IQCK: variants seen among roughly 807,000 people sequenced by gnomAD.
The protein encoded by IQCK is IQ motif containing K, also known as IQ domain-containing protein K.
A neutral mutation model predicts 28.1 loss-of-function variants in IQCK; 29 were observed. The observed-to-expected ratio is 1.03, with a 90% CI of 0.77 to 1.41. The LOEUF (loss-of-function observed/expected upper bound fraction) is 1.41. Among genes scored for constraint, IQCK ranks in the 40% most tolerant of loss-of-function variants. The pLI, the probability that IQCK is intolerant of heterozygous loss-of-function variation, is 0.00. For synonymous variants in IQCK, 113 were observed against 115.1 expected (o/e 0.98, Z 0.12); for missense variants, 359 against 314.7 (o/e 1.14, Z -1.07).
intron 9 of IQCK, among the ~76,000 whole-genome samples, chr16:19,855,425 T>C (rs1299222900): frequency 6.6e-6 from 1 of 152,124 alleles, no homozygotes; most frequent in African/African-American, 2.4e-5. Context: ...AACCCATCTC[T>C]ACTAAAAATA....
intron 9 of IQCK, among the ~76,000 whole-genome samples, chr16:19,844,175 G>T (rs1289505023): frequency 1.3e-5 from 2 of 151,764 alleles, no homozygotes; most frequent in African/African-American, 4.8e-5. Flanking sequence ...CACCTCCCAG[G>T]CTCAAGGGAT....
chr16:19,738,416 C>CA (rs377362299), intron 4 of IQCK, among the ~76,000 whole-genome samples: 1 of 152,160 alleles, frequency 6.6e-6, no homozygotes, highest in Non-Finnish European at 1.5e-5. Flanking sequence ...TGACCCCCCC[C>CA]ACCTCATATA....
intron 4 of IQCK, among the ~76,000 whole-genome samples, chr16:19,758,503 A>G (rs1395252828): frequency 6.6e-6 from 1 of 152,220 alleles, no homozygotes. Flanking sequence ...CCACTAAATG[A>G]TGTGATAAAT....
intron 9 of IQCK, among the ~76,000 whole-genome samples, chr16:19,838,857 A>G (rs2056329958): frequency 6.6e-6 from 1 of 151,724 alleles, no homozygotes; most frequent in Non-Finnish European, 1.5e-5. Flanking sequence ...TGTCTCTACT[A>G]AAAATACAAT....
chr16:19,746,280 G>A (rs972615738), intron 4 of IQCK, among the ~76,000 whole-genome samples: 2 of 151,744 alleles, frequency 1.3e-5, no homozygotes, highest in African/African-American at 4.8e-5. Context: ...CATGCAATGC[G>A]AAATATCATG....
intron 9 of IQCK, among the ~76,000 whole-genome samples, chr16:19,836,916 G>A (rs914227201): frequency 3.3e-5 from 5 of 152,124 alleles, no homozygotes; most frequent in African/African-American, 9.7e-5. Flanking sequence ...ACCTCGAGCA[G>A]GTTGCTTAAC....
intron 7 of IQCK, among the ~76,000 whole-genome samples, chr16:19,813,547 G>A (rs749204637): frequency 6.6e-6 from 1 of 152,106 alleles, no homozygotes; most frequent in Non-Finnish European, 1.5e-5. Context: ...ATTCAACCTA[G>A]AATTATGTGC....
chr16:19,770,922 C>T (rs2055311588), intron 6 of IQCK, among the ~76,000 whole-genome samples: 1 of 152,200 alleles, frequency 6.6e-6, no homozygotes, highest in African/African-American at 2.4e-5. Context: ...CTCTCCTGGC[C>T]TCTCTGACTC....
At chr16:19,734,559 G>A (rs1977948054) in intron 3 of IQCK, among the ~76,000 whole-genome samples, 2 of 151,880 alleles carry the variant, frequency 1.3e-5, no homozygotes, top group Middle Eastern at 3.4e-3. Context: ...CACTCGGGAA[G>A]CGGAGGTTGC....
rs114856454 is a variant in IQCK at position 19,721,258 on chromosome 16, T to C, written c.181+2771T>C. On this transcript the variant is annotated intron_variant, in intron 1 of 7. Transcript: ENST00000564186. ...TCTCCATTCAAAAGACAAATTATCA[T>C]AGCAAACAGACCTGCCAGAAACTCA... Among the ~76,000 whole-genome samples the C allele has an allele frequency of 2.0e-3, 300 of 152,316 alleles. 3 individuals are homozygous for C. Among genetic ancestry groups the C allele is most frequent in the African/African-American group, 7.0e-3 (290 of 41,580 alleles).
intron 4 of IQCK, among the ~76,000 whole-genome samples, chr16:19,746,359 A>G (rs1255594092): frequency 6.6e-6 from 1 of 152,046 alleles, no homozygotes; most frequent in African/African-American, 2.4e-5. Context: ...TTTTTTACTT[A>G]TTTTAAAATG....
chr16:19,839,547 T>C (rs2056341124), intron 9 of IQCK, among the ~76,000 whole-genome samples: 1 of 152,198 alleles, frequency 6.6e-6, no homozygotes, highest in African/African-American at 2.4e-5. Flanking sequence ...GGGACCTTTC[T>C]TTCCTATTTT....
intron 4 of IQCK, among the ~76,000 whole-genome samples, 158 bp from the exon 5 acceptor site, chr16:19,763,690 G>A (rs2055184691): frequency 6.6e-6 from 1 of 152,110 alleles, no homozygotes; most frequent in South Asian, 2.1e-4. Flanking sequence ...TGATCCACCC[G>A]CCTCGGTCTC....
intron 4 of IQCK, among the ~76,000 whole-genome samples, chr16:19,749,363 C>T (rs2054955122): frequency 1.3e-5 from 2 of 152,204 alleles, no homozygotes; most frequent in Admixed American, 1.3e-4. Context: ...CACTGGAACA[C>T]AGCTATGCCC....
intron 6 of IQCK, among the ~76,000 whole-genome samples, chr16:19,772,176 A>G (rs2055328992): frequency 1.3e-5 from 2 of 152,220 alleles, no homozygotes; most frequent in Admixed American, 6.5e-5. Context: ...ACATTTTTAA[A>G]TCATAAATTA....
chr16:19,722,219 G>A (rs550200449), intron 1 of IQCK, among the ~76,000 whole-genome samples: 215 of 152,290 alleles, frequency 1.4e-3, no homozygotes, highest in African/African-American at 5.0e-3. Flanking sequence ...AGCATAGGAT[G>A]CGTTCACTGA....
intron 6 of IQCK, among the ~76,000 whole-genome samples, chr16:19,779,330 G>A (rs2151725130): frequency 6.6e-6 from 1 of 152,312 alleles, no homozygotes; most frequent in East Asian, 1.9e-4. Flanking sequence ...CTTGCTGATG[G>A]ATTGGATGTT....
At chr16:19,846,812 C>G (rs566487363) in intron 9 of IQCK, among the ~76,000 whole-genome samples, 2 of 151,918 alleles carry the variant, frequency 1.3e-5, no homozygotes, top group South Asian at 4.1e-4. Context: ...GGCAGAGGGG[C>G]ATAGATTTTT....
chr16:19,815,153 T>G (rs1252453984), intron 7 of IQCK, among the ~76,000 whole-genome samples: 3 of 152,130 alleles, frequency 2.0e-5, no homozygotes, highest in Non-Finnish European at 4.4e-5. Context: ...ATTATATTTT[T>G]TAATGTCATT....
Sources: allele counts gnomAD v4.1 joint callset (sites outside exome capture counted in the v4.1 genomes callset), GRCh38; gene constraint gnomAD v4.1.1; transcripts MANE v1.5; gene names NCBI Gene and HGNC (gene_info 2026-07-23, HGNC 2026-07-21).